Variants in WWOX observed in about 807,000 individuals in gnomAD.
WWOX encodes the protein WW domain-containing oxidoreductase.
In WWOX, 69 loss-of-function variants were observed where a neutral mutation model predicts 46.2. That is an observed-to-expected ratio of 1.49 (90% CI 1.23 to 1.82). WWOX has a LOEUF of 1.82. Among genes scored for constraint, WWOX ranks in the 40% most tolerant of loss-of-function variants. WWOX has a pLI of 0.00. For synonymous variants in WWOX, 359 were observed against 202.6 expected (o/e 1.77, Z -6.56); for missense variants, 919 against 542.6 (o/e 1.69, Z -6.89).
chr16:78,366,837 T>C (rs909717014), intron 5 of WWOX, among the ~76,000 whole-genome samples: 2 of 152,124 alleles, frequency 1.3e-5, no homozygotes, highest in African/African-American at 2.4e-5. Flanking sequence ...GTATTTTCTT[T>C]CTACACATAT....
chr16:78,757,884 G>A (rs1175091826), intron 8 of WWOX, among the ~76,000 whole-genome samples: 1 of 151,926 alleles, frequency 6.6e-6, no homozygotes. Flanking sequence ...CATGACTGAA[G>A]TACCTCCTAA....
chr16:78,764,859 A>G (rs1343513305), intron 8 of WWOX, among the ~76,000 whole-genome samples: 2 of 151,972 alleles, frequency 1.3e-5, no homozygotes, highest in Non-Finnish European at 2.9e-5. Context: ...TGTTGAGTTT[A>G]CTATGGATAT....
chr16:79,142,282 A>G (rs1033107488), intron 8 of WWOX, among the ~76,000 whole-genome samples: 1 of 152,198 alleles, frequency 6.6e-6, no homozygotes. Context: ...GCCTCCAAGC[A>G]TATAAAACAG....
chr16:78,181,455 T>C (rs1404467809), intron 5 of WWOX, among the ~76,000 whole-genome samples: 2 of 152,114 alleles, frequency 1.3e-5, no homozygotes, highest in Non-Finnish European at 2.9e-5. Flanking sequence ...AGGAAAAAAA[T>C]ATCAATACTT....
chr16:78,489,960 C>T (rs2084738816), intron 8 of WWOX, among the ~76,000 whole-genome samples: 1 of 152,036 alleles, frequency 6.6e-6, no homozygotes, highest in South Asian at 2.1e-4. Context: ...CCATCATTTC[C>T]CAGATAACCA....
intron 8 of WWOX, among the ~76,000 whole-genome samples, chr16:78,743,011 T>C: frequency 6.8e-6 from 1 of 147,480 alleles, no homozygotes; most frequent in Non-Finnish European, 1.5e-5. Flanking sequence ...CCACATACAG[T>C]CCCAACCCTT....
chr16:78,607,303 C>T (rs1055693537), intron 8 of WWOX, among the ~76,000 whole-genome samples: 12 of 151,932 alleles, frequency 7.9e-5, no homozygotes, highest in Non-Finnish European at 1.5e-4. Flanking sequence ...TTGTAAGAAT[C>T]GGGGCTCCTG....
At chr16:78,895,661 G>A (rs759760538) in intron 8 of WWOX, 1 of 152,168 alleles carries the variant, frequency 6.6e-6, no homozygotes, top group Non-Finnish European at 1.5e-5. Context: ...ACTATCATTG[G>A]TGTTTTCCTT....
At chr16:78,507,552 C>T (rs1040670893) in intron 8 of WWOX, among the ~76,000 whole-genome samples, 2 of 152,156 alleles carry the variant, frequency 1.3e-5, no homozygotes, top group African/African-American at 4.8e-5. Flanking sequence ...CACTGCATGT[C>T]CTATTAGGCA....
At chr16:79,145,821 A>G (rs2050173345) in intron 8 of WWOX, among the ~76,000 whole-genome samples, 1 of 152,042 alleles carries the variant, frequency 6.6e-6, no homozygotes, top group Non-Finnish European at 1.5e-5. Flanking sequence ...ATGGAGATAG[A>G]AAAAAACCCC....
intron 8 of WWOX, among the ~76,000 whole-genome samples, chr16:79,132,354 T>A (rs1312178562): frequency 6.6e-6 from 1 of 152,186 alleles, no homozygotes; most frequent in African/African-American, 2.4e-5. Flanking sequence ...GACTTCCGGT[T>A]GGTGGATTTT....
chr16:78,984,114 G>A lies in WWOX; in HGVS notation c.1057-227494G>A, dbSNP rs1044072829. On this transcript the variant is annotated intron_variant, in intron 8 of 8. Coordinates refer to ENST00000566780, the MANE Select transcript of WWOX (RefSeq NM_016373.4). ...AGGATGGTCTCGATCTCCTGACCTC[G>A]TGATCTGCCCGCCTTGGCCTCCCAA... 4.6e-5 allele frequency among the ~76,000 whole-genome samples: 7 copies of A among 152,102 alleles called. No individual in the cohort carries two copies. In the East Asian group the frequency reaches 9.7e-4, roughly 21 times the overall value.
chr16:78,705,952 C>G (rs184829543), intron 8 of WWOX, among the ~76,000 whole-genome samples: 2 of 151,522 alleles, frequency 1.3e-5, no homozygotes, highest in Admixed American at 1.3e-4. Context: ...GAGTGTGGAA[C>G]GTGGTTTAGA....
At chr16:79,199,568 ATGAGAC>A (rs2150826456) in intron 8 of WWOX, among the ~76,000 whole-genome samples, 1 of 152,284 alleles carries the variant, frequency 6.6e-6, no homozygotes, top group African/African-American at 2.4e-5. Flanking sequence ...TATTAATACA[ATGAGAC>A]TGTAGTAACT....
chr16:78,527,151 G>C (rs72803904), intron 8 of WWOX, among the ~76,000 whole-genome samples: 1 of 151,924 alleles, frequency 6.6e-6, no homozygotes, highest in Non-Finnish European at 1.5e-5. Context: ...CAAAAAGAGC[G>C]GGGTAAAAAA....
At chr16:78,112,047 C>T (rs1025249056) in intron 3 of WWOX, 1 of 152,400 alleles carries the variant, frequency 6.6e-6, no homozygotes, top group Non-Finnish European at 1.5e-5. Context: ...GGCCCCCACC[C>T]TGGGCCCAGC....
intron 4 of WWOX, among the ~76,000 whole-genome samples, chr16:78,162,043 A>T (rs1436774970): frequency 6.6e-6 from 1 of 152,086 alleles, no homozygotes; most frequent in African/African-American, 2.4e-5. Flanking sequence ...TACTTTCTGC[A>T]TCTCTGGGTT....
chr16:78,278,455 TAGG>T lies in WWOX; in HGVS notation c.517-108401_517-108399del, dbSNP rs1338142134. ...TTGTTGGTGCCAAACTGCAATTAAA[TAGG>T]AGGTGTTGGAAGAAGGTTTTATTTA... On this transcript the variant is annotated intron_variant, in intron 5 of 8. Coordinates refer to ENST00000566780, the MANE Select transcript of WWOX (RefSeq NM_016373.4). 10 of 720,348 alleles carry T rather than the reference TAGG, an allele frequency of 1.4e-5. No homozygotes were observed. In the East Asian group the frequency reaches 2.9e-4, roughly 21 times the overall value. 44.6% of individuals were successfully genotyped at this position (720,348 alleles called of 1,614,324 possible).
At chr16:78,280,073 G>A (rs1419302242) in intron 5 of WWOX, among the ~76,000 whole-genome samples, 2 of 152,266 alleles carry the variant, frequency 1.3e-5, no homozygotes, top group Admixed American at 1.3e-4. Flanking sequence ...AGTCTAGAGT[G>A]TTCCAGGCAG....
Sources: allele counts gnomAD v4.1 joint callset (sites outside exome capture counted in the v4.1 genomes callset), GRCh38; gene constraint gnomAD v4.1.1; transcripts MANE v1.5; gene names NCBI Gene and HGNC (gene_info 2026-07-23, HGNC 2026-07-21).